The following KLRD1 variants were observed in gnomAD, a reference collection of about 807,000 sequenced individuals.
The protein encoded by KLRD1 is natural killer cells antigen CD94.
Under a neutral mutation model 22.6 loss-of-function variants are expected in KLRD1, and 21 were observed. The ratio of observed to expected loss-of-function variants is 0.93; its 90% CI spans 0.66 to 1.34. The LOEUF (loss-of-function observed/expected upper bound fraction) is 1.34. Among genes scored for constraint, KLRD1 ranks in the 40% most tolerant of loss-of-function variants. KLRD1 has a pLI of 0.00. For synonymous variants in KLRD1, 59 were observed against 71.1 expected, an observed-to-expected ratio of 0.83 and a Z score of 0.85; for missense variants, 183 against 208.6, an observed-to-expected ratio of 0.88 and a Z score of 0.76.
chr12:10,241,235 G>T (rs186076861), intron 1 of KLRD1, among the ~76,000 whole-genome samples: 5 of 152,086 alleles, frequency 3.3e-5, no homozygotes, highest in African/African-American at 1.2e-4. Flanking sequence ...CATAAATAGC[G>T]ACTTCACCTC....
chr12:10,239,926 G>A (rs1021432044), intron 1 of KLRD1, among the ~76,000 whole-genome samples: 1 of 151,948 alleles, frequency 6.6e-6, no homozygotes, highest in African/African-American at 2.4e-5. Context: ...ACAGACGTGA[G>A]CCACTTTTTC....
intron 1 of KLRD1, among the ~76,000 whole-genome samples, chr12:10,265,494 C>T (rs577461167): frequency 6.6e-6 from 1 of 152,188 alleles, no homozygotes; most frequent in Non-Finnish European, 1.5e-5. Context: ...CGATGGCTCA[C>T]GCCTGTAATC....
In KLRD1 at chr12:10,253,959, G is replaced by A. The variant is rs76960030; in HGVS notation, c.-101+27726G>A. Among the ~76,000 whole-genome samples the A allele has an allele frequency of 3.7e-3, 567 of 152,218 alleles. 6 individuals are homozygous for A. Among genetic ancestry groups the A allele is most frequent in the African/African-American group, 0.012 (513 of 41,504 alleles). ...AGTAATGGGATTGTTGAATTGAATG[G>A]TAGTTCTGTCTAAAACTATAAAAAC... On this transcript the variant is annotated intron_variant, in intron 1 of 5. Coordinates refer to the KLRD1 transcript ENST00000544747.
upstream of KLRD1, among the ~76,000 whole-genome samples, chr12:10,301,705 C>T (rs967535838): frequency 2.0e-5 from 3 of 152,192 alleles, no homozygotes; most frequent in East Asian, 5.8e-4. Context: ...TGGGGTAGCA[C>T]TTTTAAAATT....
intron 1 of KLRD1, among the ~76,000 whole-genome samples, chr12:10,272,767 A>G (rs1949561462): frequency 6.6e-6 from 1 of 152,214 alleles, no homozygotes; most frequent in Non-Finnish European, 1.5e-5. Flanking sequence ...AAAATTAAAG[A>G]TAATGTACTC....
At chr12:10,309,710 A>G in intron 3 of KLRD1, 22 bp downstream of exon 3, 1 of 1,556,764 alleles carries the variant, frequency 6.4e-7, no homozygotes. Context: ...TTTTTGGAAA[A>G]CTTAGCATTG....
At chr12:10,291,676 C>T (rs921582344) in intron 1 of KLRD1, among the ~76,000 whole-genome samples, 1 of 150,256 alleles carries the variant, frequency 6.7e-6, no homozygotes, top group Non-Finnish European at 1.5e-5. Flanking sequence ...GCAGAACGTG[C>T]AGGTTTGTTA....
upstream of KLRD1, among the ~76,000 whole-genome samples, chr12:10,305,900 C>A (rs892572605): frequency 6.6e-6 from 1 of 152,052 alleles, no homozygotes; most frequent in Non-Finnish European, 1.5e-5. Flanking sequence ...CGGTGGCTCA[C>A]GCCTGTAATC....
In KLRD1 at chr12:10,315,277, G is replaced by A. The variant is rs763067090; in HGVS notation, c.*484G>A. The A allele has an allele frequency of 2.5e-5, 11 of 444,142 alleles. No individual in the cohort carries two copies. The highest frequency in any genetic ancestry group is 1.7e-4 in the South Asian group (11 of 63,646). 27.5% of individuals were successfully genotyped at this position (444,142 alleles called of 1,614,324 possible). A position where few individuals can be genotyped will look rare whatever the true frequency, so the allele number is the denominator to read the frequency against. Reference sequence around the variant, plus strand: ...AGGACTGCAGGCACCATGTCACTATGCCCGACTAATTTTTAATTTTTAATT... The same window carrying A: ...AGGACTGCAGGCACCATGTCACTATACCCGACTAATTTTTAATTTTTAATT... On this transcript the variant is annotated 3_prime_UTR_variant, in exon 6 of 6. Transcript: ENST00000336164.
Position 10,254,880 on chromosome 12 carries a change from G to A in KLRD1, c.-101+28647G>A, listed in dbSNP as rs975158556. ...CGCACTCCAGCCTAGGCAACAGAGC[G>A]AGATCAGTCTCAAAAATAAATAAAT... On this transcript the variant is annotated intron_variant, in intron 1 of 5. Coordinates refer to the KLRD1 transcript ENST00000544747. 7.9e-5 allele frequency among the ~76,000 whole-genome samples: 11 copies of A among 138,430 alleles called. 1 individual carries two copies. Among genetic ancestry groups the A allele is most frequent in the African/African-American group, 3.0e-4 (11 of 36,840 alleles). 90.8% of individuals were successfully genotyped at this position (138,430 alleles called of 152,430 possible). A position where few individuals can be genotyped will look rare whatever the true frequency, so the allele number is the denominator to read the frequency against.
intron 1 of KLRD1, among the ~76,000 whole-genome samples, chr12:10,275,869 G>A (rs1949587689): frequency 6.6e-6 from 1 of 152,098 alleles, no homozygotes; most frequent in South Asian, 2.1e-4. Context: ...AATGATAAAA[G>A]TTAAGTAAAG....
At chr12:10,256,652 TTTTG>T (rs1284389781) in intron 1 of KLRD1, among the ~76,000 whole-genome samples, 6 of 151,998 alleles carry the variant, frequency 3.9e-5, no homozygotes, top group African/African-American at 7.2e-5. Context: ...TCTGTATTTA[TTTTG>T]TAACTATTAA....
In KLRD1 at chr12:10,309,687, A is replaced by C. The variant is rs1280435072; in HGVS notation, c.162A>C (p.Lys54Asn). ...FTPGPNIELQ[K>N]DSDCCSCQEK... ...CAGGACCCAACATAGAACTCCAGAA[A>C]GGTAGGTCACATTTTTTGGAAAACT... The change falls in exon 3 of 6, where the codon AAA (lysine) becomes AAC (asparagine). Residue 54 changes from lysine (K) to asparagine (N), a missense_variant and splice_region_variant. By Grantham distance (94) the Lys-to-Asn change is moderately conservative. Coordinates refer to ENST00000336164, the MANE Select transcript of KLRD1 (RefSeq NM_002262.5). 6.2e-7 allele frequency: 1 copy of C among 1,610,610 alleles called. No homozygotes were observed. The highest frequency in any genetic ancestry group is 8.5e-7 in the Non-Finnish European group (1 of 1,177,194).
chr12:10,249,668 A>G lies in KLRD1; in HGVS notation c.-101+23435A>G, dbSNP rs1592023770. Among the ~76,000 whole-genome samples, 3 of 152,352 alleles carry G rather than the reference A, an allele frequency of 2.0e-5. No individual in the cohort carries two copies. The South Asian group carries it at 6.2e-4, about 32-fold the overall frequency. On this transcript the variant is annotated intron_variant, in intron 1 of 5. Transcript: ENST00000544747. ...TTTAAAAAAGAATTTATTGAGAAGC[A>G]TCCTTGAAACAACTTGAAAAAAGAG...
chr12:10,258,212 T>C (rs1407371113), intron 1 of KLRD1, among the ~76,000 whole-genome samples: 1 of 151,082 alleles, frequency 6.6e-6, no homozygotes, highest in Non-Finnish European at 1.5e-5. Flanking sequence ...TTCTTTTCTG[T>C]AGTACAATTT....
At chr12:10,286,025 C>T (rs909314864) in intron 1 of KLRD1, among the ~76,000 whole-genome samples, 1 of 152,150 alleles carries the variant, frequency 6.6e-6, no homozygotes, top group Non-Finnish European at 1.5e-5. Flanking sequence ...TTACTGTTTT[C>T]GCCAGACACG....
intron 1 of KLRD1, among the ~76,000 whole-genome samples, chr12:10,254,114 G>A (rs1246204498): frequency 1.3e-5 from 2 of 152,092 alleles, no homozygotes; most frequent in Non-Finnish European, 1.5e-5. Context: ...AAACTTAAGA[G>A]CTTCTGGACA....
Position 10,318,939 on chromosome 12 carries a change from T to C in KLRD1, c.*4146T>C, listed in dbSNP as rs1189204430. ...TCTACACCTGGAAATGTTAGTTCTA[T>C]AATTTTGGACTTTCTGAAACTTTTC... On this transcript the variant is annotated 3_prime_UTR_variant, in exon 6 of 6. Transcript: ENST00000336164. 1.3e-5 allele frequency: 2 copies of C among 151,936 alleles called. No homozygotes were observed. Among genetic ancestry groups the C allele is most frequent in the African/African-American group, 2.4e-5 (1 of 41,342 alleles). The allele number at this position is 151,936 out of a possible 1,614,324, so 9.4% of individuals were successfully genotyped here. A position where few individuals can be genotyped will look rare whatever the true frequency, so the allele number is the denominator to read the frequency against.
chr12:10,272,644 A>T (rs1056301520), intron 1 of KLRD1, among the ~76,000 whole-genome samples: 1 of 152,194 alleles, frequency 6.6e-6, no homozygotes, highest in African/African-American at 2.4e-5. Flanking sequence ...GTAAGGGCCA[A>T]TGAGCACAGG....
Sources: allele counts gnomAD v4.1 joint callset (sites outside exome capture counted in the v4.1 genomes callset), GRCh38; gene constraint gnomAD v4.1.1; transcripts MANE v1.5; gene names NCBI Gene and HGNC (gene_info 2026-07-23, HGNC 2026-07-21).